CACNA1H: variants seen among roughly 807,000 people sequenced by gnomAD.
The protein encoded by CACNA1H is voltage-dependent T-type calcium channel subunit alpha-1H.
A neutral mutation model predicts 192.5 loss-of-function variants in CACNA1H; 149 were observed. That is an observed-to-expected ratio of 0.77 (90% CI 0.68 to 0.89). The LOEUF (loss-of-function observed/expected upper bound fraction) is 0.89, where lower values mean the gene tolerates loss of function less well. Ranked by LOEUF, CACNA1H falls within the 40% of genes least tolerant of loss-of-function variation. The pLI, the probability that CACNA1H is intolerant of heterozygous loss-of-function variation, is 0.00. For synonymous variants in CACNA1H, 2,202 were observed against 1,475.2 expected, an observed-to-expected ratio of 1.49 and a Z score of -11.29; for missense variants, 4,257 against 3,423.5, an observed-to-expected ratio of 1.24 and a Z score of -6.08.
At chr16:1,173,364 C>G (rs1403662435) in intron 2 of CACNA1H, among the ~76,000 whole-genome samples, 3 of 152,168 alleles carry the variant, frequency 2.0e-5, no homozygotes, top group Admixed American at 2.0e-4. Context: ...CGTGCTCCCC[C>G]ACAACCTCCA....
At position 1,221,642 on chromosome 16, in the gene CACNA1H, A is replaced by T; in HGVS notation, c.*648A>T. ...TGGGGGCGTTGGCCGCGAGATTCCC[A>T]TTGACACCTTTGTTTCGTGTGCTTT... On this transcript the variant is annotated 3_prime_UTR_variant, in exon 35 of 35. Transcript: ENST00000348261. 1.1e-6 allele frequency: 1 copy of T among 918,992 alleles called. No individual in the cohort carries two copies. Among genetic ancestry groups the T allele is most frequent in the Non-Finnish European group, 1.6e-6 (1 of 627,182 alleles). The allele number at this position is 918,992 out of a possible 1,614,324, so 56.9% of individuals were successfully genotyped here.
chr16:1,155,726 C>G (rs1305396345), intron 2 of CACNA1H, among the ~76,000 whole-genome samples: 1 of 152,176 alleles, frequency 6.6e-6, no homozygotes, highest in African/African-American at 2.4e-5. Context: ...TGGAGCCTGG[C>G]CCCGGTGTTC....
chr16:1,198,209 C>T (rs779599497), intron 5 of CACNA1H, among the ~76,000 whole-genome samples: 7 of 152,150 alleles, frequency 4.6e-5, no homozygotes, highest in East Asian at 1.9e-4. Flanking sequence ...CACTGGGCTC[C>T]GCCTGGTCAT....
intron 2 of CACNA1H, among the ~76,000 whole-genome samples, chr16:1,185,111 TGTG>T (rs1965853168): frequency 6.6e-6 from 1 of 152,202 alleles, no homozygotes; most frequent in African/African-American, 2.4e-5. Flanking sequence ...CCGTGTGACA[TGTG>T]GTCCTTCTGT....
At position 1,204,329 on chromosome 16, in the gene CACNA1H, G is replaced by T. The variant is rs1451924937; in HGVS notation, c.2322G>T (p.Trp774Cys). 2.5e-6 allele frequency: 4 copies of T among 1,594,548 alleles called. No individual in the cohort carries two copies. The highest frequency in any genetic ancestry group is 3.4e-6 in the Non-Finnish European group (4 of 1,169,010). Residue 774 changes from tryptophan (W) to cysteine (C), a missense_variant, in exon 10 of 35, where the codon TGG (tryptophan) becomes TGT (cysteine). Coordinates refer to ENST00000348261, the MANE Select transcript of CACNA1H (RefSeq NM_021098.3). ...GGGCAGCCCCGGGCGAGCCAGGCTG[G>T]ATGGGCCGCCTCTGGGTTACCTTCA... ...QQRAAPGEPGWMGRLWVTFSG... is the reference protein window; with the variant it reads ...QQRAAPGEPGCMGRLWVTFSG...
At chr16:1,181,249 G>A (rs1965433757) in intron 2 of CACNA1H, among the ~76,000 whole-genome samples, 1 of 152,250 alleles carries the variant, frequency 6.6e-6, no homozygotes, top group African/African-American at 2.4e-5. Flanking sequence ...GATGGGCAAG[G>A]GTGAGGCCAG....
At chr16:1,215,115 G>A (rs768802023) in intron 28 of CACNA1H, 34 bp downstream of exon 28, 4 of 1,592,508 alleles carry the variant, frequency 2.5e-6, no homozygotes, top group Admixed American at 1.8e-5. Flanking sequence ...GGTTCTGGGG[G>A]CCCCTCAGGG....
At chr16:1,212,311 G>A (rs1004174760) in intron 25 of CACNA1H, 173 bp downstream of exon 25, 290 of 1,166,126 alleles carry the variant, frequency 2.5e-4, no homozygotes, top group South Asian at 1.0e-3. Flanking sequence ...GAGGGCCGTC[G>A]GGGAGCCCGC....
chr16:1,201,734 G>T lies in CACNA1H; in HGVS notation c.1284G>T (p.Arg428=), dbSNP rs771004922. ...IATQFSETKQ[R]ESQLMREQRA... ...CGCAGTTCTCGGAGACGAAGCAGCG[G>T]GAGAGTCAGCTGATGCGGGAGCAGC... The change falls in exon 9 of 35, where the codon CGG becomes CGT. Residue 428 remains arginine, a synonymous_variant. Transcript: ENST00000348261. The T allele has an allele frequency of 1.2e-5, 20 of 1,610,610 alleles. No homozygotes were observed. The highest frequency in any genetic ancestry group is 1.6e-5 in the Non-Finnish European group (19 of 1,179,004).
intron 2 of CACNA1H, among the ~76,000 whole-genome samples, chr16:1,193,343 C>T (rs1021365573): frequency 1.3e-5 from 2 of 152,248 alleles, no homozygotes; most frequent in African/African-American, 4.8e-5. Flanking sequence ...AGTGCCGGGT[C>T]AGGAGGCTGG....
At chr16:1,165,402 C>G (rs1443305211) in intron 2 of CACNA1H, among the ~76,000 whole-genome samples, 2 of 152,204 alleles carry the variant, frequency 1.3e-5, no homozygotes, top group African/African-American at 2.4e-5. Context: ...TTTTTATTTT[C>G]TAACCTTCCG....
intron 2 of CACNA1H, among the ~76,000 whole-genome samples, chr16:1,155,303 G>A (rs1010268583): frequency 5.3e-5 from 8 of 152,228 alleles, no homozygotes; most frequent in African/African-American, 1.9e-4. Context: ...CTAGGCCTCT[G>A]TAGCCTCAGG....
chr16:1,188,810 C>G (rs1342927915), intron 2 of CACNA1H, among the ~76,000 whole-genome samples: 1 of 152,208 alleles, frequency 6.6e-6, no homozygotes, highest in Non-Finnish European at 1.5e-5. Context: ...ATGTGTCCCC[C>G]CACACCTAAC....
At chr16:1,174,106 A>G (rs1056273758) in intron 2 of CACNA1H, among the ~76,000 whole-genome samples, 1 of 152,204 alleles carries the variant, frequency 6.6e-6, no homozygotes, top group African/African-American at 2.4e-5. Flanking sequence ...CAGTCCATGC[A>G]GCTCTGAGAC....
intron 2 of CACNA1H, among the ~76,000 whole-genome samples, chr16:1,169,480 AAGC>A (rs1964145166): frequency 6.6e-6 from 1 of 152,106 alleles, no homozygotes. Context: ...TTCCCCCAAG[AAGC>A]AGCAGCAGGG....
intron 2 of CACNA1H, among the ~76,000 whole-genome samples, chr16:1,173,020 G>A (rs879662385): frequency 3.3e-5 from 5 of 152,080 alleles, no homozygotes; most frequent in South Asian, 2.1e-4. Context: ...TCCCAGGGCC[G>A]CAGACCTGCC....
intron 2 of CACNA1H, among the ~76,000 whole-genome samples, chr16:1,165,537 C>T (rs991305951): frequency 6.6e-6 from 1 of 152,154 alleles, no homozygotes; most frequent in African/African-American, 2.4e-5. Flanking sequence ...GCGCCTGGGC[C>T]CCCCTCCCCA....
intron 18 of CACNA1H, 83 bp from the exon 19 acceptor site, chr16:1,210,287 T>A: frequency 7.6e-7 from 1 of 1,318,874 alleles, no homozygotes; most frequent in Admixed American, 2.0e-5. Context: ...AGTGGAGGCG[T>A]GGCCAGGGCT....
intron 2 of CACNA1H, among the ~76,000 whole-genome samples, chr16:1,173,358 C>A (rs998293898): frequency 6.6e-6 from 1 of 152,170 alleles, no homozygotes; most frequent in African/African-American, 2.4e-5. Context: ...ATGAGGCGTG[C>A]TCCCCCACAA....
Sources: gnomAD v4.1 joint callset for allele counts (sites outside exome capture counted in the v4.1 genomes callset) on GRCh38, gnomAD v4.1.1 for gene constraint, MANE v1.5 for transcripts, NCBI Gene and HGNC (gene_info 2026-07-23, HGNC 2026-07-21) for gene names.